The following ZNF605 variants were observed in gnomAD, a reference collection of about 807,000 sequenced individuals.
ZNF605 encodes the protein zinc finger protein 605.
Under a neutral mutation model 7.9 loss-of-function variants are expected in ZNF605, and 9 were observed. The ratio of observed to expected loss-of-function variants is 1.14; its 90% confidence interval spans 0.68 to 1.98. The LOEUF (loss-of-function observed/expected upper bound fraction) is 1.98, where lower values mean the gene tolerates loss of function less well. ZNF605 is among the 30% of genes most tolerant of loss of function. ZNF605 has a pLI of 0.00. For synonymous variants in ZNF605, 255 were observed against 260.1 expected (o/e 0.98, Z 0.19); for missense variants, 673 against 762.4 (o/e 0.88, Z 1.38).
intron 4 of ZNF605, among the ~76,000 whole-genome samples, chr12:132,931,448 C>T (rs1388860433): frequency 6.6e-6 from 1 of 152,098 alleles, no homozygotes; most frequent in East Asian, 1.9e-4. Context: ...ACTATAGATG[C>T]TACGTGGATA....
chr12:132,936,515 G>T (rs1952368090), intron 3 of ZNF605, among the ~76,000 whole-genome samples: 1 of 152,146 alleles, frequency 6.6e-6, no homozygotes, highest in African/African-American at 2.4e-5. Flanking sequence ...ATTAAGGCAG[G>T]ATGGCATTTG....
At chr12:132,931,379 A>G (rs1469732084) in intron 4 of ZNF605, among the ~76,000 whole-genome samples, 2 of 152,190 alleles carry the variant, frequency 1.3e-5, no homozygotes, top group African/African-American at 4.8e-5. Flanking sequence ...GGGGAAAAAA[A>G]TCTTAGGACT....
Position 132,925,767 on chromosome 12 carries a change from C to A in ZNF605, c.1532G>T (p.Arg511Met), listed in dbSNP as rs1281311864. ...CTGTGGCTTCCAGGCAAAAGCTTTCCTACATTCACTACATTCAAAGGGCTT... is the reference window on the plus strand; with the variant it reads ...CTGTGGCTTCCAGGCAAAAGCTTTCATACATTCACTACATTCAAAGGGCTT... ...GEKPFECSEC[R>M]KAFAWKPQLL... Residue 511 changes from arginine (R) to methionine (M), a missense_variant, in exon 5 of 5, where the codon AGG (arginine) becomes ATG (methionine). Physicochemically the swap from Arg to Met is moderately conservative, Grantham distance 91. Coordinates refer to ENST00000360187, the MANE Select transcript of ZNF605 (RefSeq NM_183238.4). 2.5e-6 allele frequency: 4 copies of A among 1,613,776 alleles called. No homozygotes were observed. Among genetic ancestry groups the A allele is most frequent in the Non-Finnish European group, 3.4e-6 (4 of 1,179,878 alleles).
chr12:132,940,932 C>T (rs1272390497), intron 3 of ZNF605, among the ~76,000 whole-genome samples: 2 of 151,984 alleles, frequency 1.3e-5, no homozygotes, highest in Non-Finnish European at 1.5e-5. Context: ...CTACTGGCCC[C>T]ATCTTCGTGT....
intron 3 of ZNF605, among the ~76,000 whole-genome samples, chr12:132,943,840 C>T (rs1053673506): frequency 5.9e-5 from 9 of 152,006 alleles, no homozygotes; most frequent in Admixed American, 2.6e-4. Context: ...TGAGTGAGGG[C>T]GAGGGAAAAT....
At position 132,923,885 on chromosome 12, in the gene ZNF605, TC is replaced by T. The variant is rs1195572433; in HGVS notation, c.*1487del. 1 of 152,216 alleles carries T rather than the reference TC, an allele frequency of 6.6e-6. No individual in the cohort carries two copies. The highest frequency in any genetic ancestry group is 1.5e-5 in the Non-Finnish European group (1 of 68,048). The allele number at this position is 152,216 out of a possible 1,614,324, so 9.4% of individuals were successfully genotyped here. ...CCTCTTCTCTAAGTCTTTTTTTCTC[TC>T]TGTATATCACTTTGGTAGTTTTTAT... On this transcript the variant is annotated 3_prime_UTR_variant, in exon 5 of 5. Transcript: ENST00000360187.
chr12:132,937,563 G>A (rs1333562526), intron 3 of ZNF605, among the ~76,000 whole-genome samples: 7 of 151,988 alleles, frequency 4.6e-5, no homozygotes, highest in African/African-American at 1.7e-4. Context: ...TGAGGACTCA[G>A]AGCAAGAGCA....
At chr12:132,934,099 ACACACACACACACATG>A (rs1952334362) in intron 3 of ZNF605, among the ~76,000 whole-genome samples, 1 of 151,180 alleles carries the variant, frequency 6.6e-6, no homozygotes, top group Non-Finnish European at 1.5e-5. Flanking sequence ...TCTATTAAAC[ACACACACACACACATG>A]CACACACACA....
At position 132,925,300 on chromosome 12, in the gene ZNF605, C is replaced by T. The variant is rs2137122783; in HGVS notation, c.*73G>A. 8.8e-7 allele frequency: 1 copy of T among 1,142,762 alleles called. No homozygotes were observed. The highest frequency in any genetic ancestry group is 1.2e-6 in the Non-Finnish European group (1 of 809,992). The allele number at this position is 1,142,762 out of a possible 1,614,324, so 70.8% of individuals were successfully genotyped here. On this transcript the variant is annotated 3_prime_UTR_variant, in exon 5 of 5. Coordinates refer to ENST00000360187, the MANE Select transcript of ZNF605 (RefSeq NM_183238.4). ...CTGCCTCAATAGGGTTTCTCTCCCA[C>T]ATGCATCCTCAAAAGTGTCAGAAAG...
At chr12:132,950,852 CAT>C (rs1952553311) in intron 1 of ZNF605, among the ~76,000 whole-genome samples, 1 of 151,220 alleles carries the variant, frequency 6.6e-6, no homozygotes, top group Admixed American at 6.6e-5. Context: ...CACATACAGA[CAT>C]GTACAGACAC....
intron 3 of ZNF605, among the ~76,000 whole-genome samples, chr12:132,939,816 C>T (rs1484366390): frequency 6.6e-6 from 1 of 150,840 alleles, no homozygotes; most frequent in Non-Finnish European, 1.5e-5. Context: ...AGCTGTAACA[C>T]TCACCGCGAA....
intron 3 of ZNF605, among the ~76,000 whole-genome samples, chr12:132,938,609 G>T (rs746324364): frequency 6.6e-5 from 10 of 152,190 alleles, no homozygotes; most frequent in Non-Finnish European, 1.3e-4. Context: ...CAGAGCCCTC[G>T]CTTGTTCTCG....
At chr12:132,931,121 A>G (rs1952304499) in intron 4 of ZNF605, among the ~76,000 whole-genome samples, 1 of 152,198 alleles carries the variant, frequency 6.6e-6, no homozygotes, top group East Asian at 1.9e-4. Context: ...TTAAGGCTGC[A>G]GTAAGCTGTG....
intron 3 of ZNF605, among the ~76,000 whole-genome samples, chr12:132,939,377 G>A (rs970385009): frequency 6.6e-6 from 1 of 151,776 alleles, no homozygotes; most frequent in Non-Finnish European, 1.5e-5. Flanking sequence ...CTAGCTCAAG[G>A]ATTGTAAATA....
chr12:132,952,936 T>C (rs1952587767), intron 1 of ZNF605, among the ~76,000 whole-genome samples: 1 of 151,792 alleles, frequency 6.6e-6, no homozygotes, highest in East Asian at 1.9e-4. Context: ...GTTCCCCGGA[T>C]TACCAAGTCC....
chr12:132,929,817 C>T (rs918603390), intron 4 of ZNF605, among the ~76,000 whole-genome samples: 2 of 151,940 alleles, frequency 1.3e-5, no homozygotes, highest in East Asian at 1.9e-4. Flanking sequence ...TGGTGGTGTG[C>T]GCCTGTAATC....
rs200252189 is a variant in ZNF605 at position 132,929,405 on chromosome 12, G to A, written c.137-2243C>T. 9.7e-3 allele frequency among the ~76,000 whole-genome samples: 1,471 copies of A among 152,220 alleles called. 26 individuals carry two copies. Among genetic ancestry groups the A allele is most frequent in the Middle Eastern group, 0.037 (11 of 294 alleles). Reference sequence around the variant, plus strand: ...ATCTCAAAAAGAAAATAGAATTTCAGAGGAAGCACAACTGCTGATATGGAA... The same window carrying A: ...ATCTCAAAAAGAAAATAGAATTTCAAAGGAAGCACAACTGCTGATATGGAA... On this transcript the variant is annotated intron_variant, in intron 4 of 4. Transcript: ENST00000360187.
intron 4 of ZNF605, among the ~76,000 whole-genome samples, chr12:132,932,002 C>T (rs934807845): frequency 2.0e-4 from 30 of 152,216 alleles, no homozygotes; most frequent in Non-Finnish European, 4.4e-5. Flanking sequence ...TGGCACACTG[C>T]AGCTTCCAGC....
intron 4 of ZNF605, among the ~76,000 whole-genome samples, chr12:132,929,685 G>A (rs1033591381): frequency 3.3e-5 from 5 of 152,066 alleles, no homozygotes; most frequent in East Asian, 3.9e-4. Context: ...GGTGGCTCAC[G>A]TCTGTAATCC....
Sources: allele counts gnomAD v4.1 joint callset (sites outside exome capture counted in the v4.1 genomes callset), GRCh38; gene constraint gnomAD v4.1.1; transcripts MANE v1.5; gene names NCBI Gene and HGNC (gene_info 2026-07-23, HGNC 2026-07-21).